MAF: variants seen among roughly 807,000 people sequenced by gnomAD.
MAF encodes the protein MAF bZIP transcription factor.
Under a neutral mutation model 22.0 loss-of-function variants are expected in MAF, and 10 were observed. The observed-to-expected ratio is 0.45, with a 90% confidence interval of 0.28 to 0.77. The LOEUF is 0.77. Ranked by LOEUF, MAF falls within the 30% of genes least tolerant of loss-of-function variation. The probability of loss-of-function intolerance (pLI) is 0.12; values close to 1 mark genes in which losing one functional copy is unlikely to be tolerated. For missense variants in MAF, 544 were observed against 548.4 expected, an observed-to-expected ratio of 0.99 and a Z score of 0.08; for synonymous variants, 337 against 255.8, an observed-to-expected ratio of 1.32 and a Z score of -3.03.
chr16:79,295,832 G>A, the MAF span, among the ~76,000 whole-genome samples: 1 of 152,348 alleles, frequency 6.6e-6, no homozygotes, highest in South Asian at 2.1e-4. Context: ...GGCAGGGGCT[G>A]TTGGCAGTCC....
At chr16:79,291,334 C>T in the MAF span, among the ~76,000 whole-genome samples, 1 of 152,096 alleles carries the variant, frequency 6.6e-6, no homozygotes, top group East Asian at 1.9e-4. Flanking sequence ...AGCCAGGGAA[C>T]TTCTCTCCTC....
the MAF span, among the ~76,000 whole-genome samples, chr16:79,346,708 C>T: frequency 6.6e-6 from 1 of 152,076 alleles, no homozygotes; most frequent in African/African-American, 2.4e-5. Context: ...GAGCCAGTAC[C>T]CCATATTCAT....
chr16:79,220,270 A>AAAAG, the MAF span, among the ~76,000 whole-genome samples: 1 of 151,396 alleles, frequency 6.6e-6, no homozygotes, highest in Non-Finnish European at 1.5e-5. Flanking sequence ...AAAAAAAAAA[A>AAAAG]AAAAGTTAAA....
chr16:79,442,727 A>G, the MAF span, among the ~76,000 whole-genome samples: 1 of 152,186 alleles, frequency 6.6e-6, no homozygotes, highest in Non-Finnish European at 1.5e-5. Context: ...TTTTTCATAT[A>G]AGAAATTCCA....
At chr16:79,215,564 G>A in the MAF span, among the ~76,000 whole-genome samples, 2 of 152,142 alleles carry the variant, frequency 1.3e-5, no homozygotes, top group Admixed American at 6.5e-5. Context: ...CGTGTCTAGG[G>A]CCTCTATGCT....
At chr16:79,581,489 G>A (rs1279520604), downstream of MAF, among the ~76,000 whole-genome samples, 1 of 152,086 alleles carries the variant, frequency 6.6e-6, no homozygotes, top group Non-Finnish European at 1.5e-5. Context: ...AGGAGCCAGG[G>A]AAGAAGAAAA....
the MAF span, among the ~76,000 whole-genome samples, chr16:79,246,549 T>A: frequency 2.6e-5 from 3 of 117,046 alleles, no homozygotes; most frequent in Non-Finnish European, 3.6e-5. Flanking sequence ...TTGGGGGGGG[T>A]GTGGGGGTGT....
At chr16:79,243,395 TCC>T in the MAF span, among the ~76,000 whole-genome samples, 10 of 151,882 alleles carry the variant, frequency 6.6e-5, no homozygotes, top group Non-Finnish European at 1.5e-4. Context: ...TCGCCACTGA[TCC>T]CACAGAAATA....
At chr16:79,578,624 A>G in the MAF span, among the ~76,000 whole-genome samples, 2 of 152,210 alleles carry the variant, frequency 1.3e-5, no homozygotes, top group South Asian at 2.1e-4. Flanking sequence ...CTTATCTCCC[A>G]TTTGACAAAT....
chr16:79,566,724 T>A, the MAF span, among the ~76,000 whole-genome samples: 1 of 152,186 alleles, frequency 6.6e-6, no homozygotes. Flanking sequence ...GAATCCTTCA[T>A]CTTGGTGAGA....
At chr16:79,546,918 A>G in the MAF span, among the ~76,000 whole-genome samples, 1 of 152,156 alleles carries the variant, frequency 6.6e-6, no homozygotes, top group Admixed American at 6.5e-5. Flanking sequence ...AAATACAGTG[A>G]ACATCATTTT....
intron 1 of MAF, among the ~76,000 whole-genome samples, chr16:79,586,802 C>G (rs528780925): frequency 3.3e-5 from 5 of 152,228 alleles, no homozygotes; most frequent in African/African-American, 9.6e-5. Flanking sequence ...TATAGAAGTT[C>G]GGACTGTCAA....
At chr16:79,582,222 T>C (rs1912563436), downstream of MAF, among the ~76,000 whole-genome samples, 1 of 152,060 alleles carries the variant, frequency 6.6e-6, no homozygotes, top group Non-Finnish European at 1.5e-5. Flanking sequence ...ATGGAGGAAA[T>C]AAAAGATTCA....
At chr16:79,361,922 G>A in the MAF span, among the ~76,000 whole-genome samples, 2 of 152,184 alleles carry the variant, frequency 1.3e-5, no homozygotes, top group African/African-American at 4.8e-5. Context: ...GCACTGGGTG[G>A]CAAGCATTTG....
the MAF span, among the ~76,000 whole-genome samples, chr16:79,560,311 T>C: frequency 4.6e-5 from 7 of 151,854 alleles, no homozygotes; most frequent in Admixed American, 6.6e-5. Flanking sequence ...GGATTTGAGA[T>C]GAACGCGAAG....
At chr16:79,346,351 G>T in the MAF span, among the ~76,000 whole-genome samples, 95,636 of 151,856 alleles carry the variant, frequency 0.63, 32,205 homozygotes, top group African/African-American at 0.87. Flanking sequence ...ACAAAGGACA[G>T]GAACTCATCC....
chr16:79,546,607 G>C, the MAF span, among the ~76,000 whole-genome samples: 1 of 152,164 alleles, frequency 6.6e-6, no homozygotes, highest in Non-Finnish European at 1.5e-5. Context: ...CTCATTCTTT[G>C]AAGAAGGAAG....
the MAF span, among the ~76,000 whole-genome samples, chr16:79,561,354 T>C: frequency 1.3e-5 from 2 of 151,924 alleles, no homozygotes; most frequent in Admixed American, 1.3e-4. Context: ...TTAGGGTACA[T>C]GTGCACAACG....
At chr16:79,210,291 C>A in the MAF span, among the ~76,000 whole-genome samples, 4 of 152,304 alleles carry the variant, frequency 2.6e-5, no homozygotes, top group East Asian at 5.8e-4. Context: ...TTCTTCACGT[C>A]GTAACACCTT....
Sources: gnomAD v4.1 joint callset for allele counts (sites outside exome capture counted in the v4.1 genomes callset) on GRCh38, gnomAD v4.1.1 for gene constraint, MANE v1.5 for transcripts, NCBI Gene and HGNC (gene_info 2026-07-23, HGNC 2026-07-21) for gene names.